Variants in GAS7 observed in about 807,000 individuals in gnomAD.
The protein encoded by GAS7 is growth arrest specific 7.
A neutral mutation model predicts 71.1 loss-of-function variants in GAS7; 28 were observed. The ratio of observed to expected loss-of-function variants is 0.39; its 90% CI spans 0.29 to 0.54. GAS7 has a LOEUF of 0.54. GAS7 is among the 20% of genes least tolerant of loss of function. GAS7 has a pLI of 0.62. For missense variants in GAS7, 436 were observed against 627.8 expected (o/e 0.69, Z 3.27); for synonymous variants, 258 against 245.8 (o/e 1.05, Z -0.46).
chr17:10,175,648 G>A lies in GAS7; in HGVS notation c.183+22560C>T, dbSNP rs539243773. Among the ~76,000 whole-genome samples, 169 of 152,182 alleles carry A rather than the reference G, an allele frequency of 1.1e-3. 2 individuals carry two copies. Among genetic ancestry groups the A allele is most frequent in the African/African-American group, 3.1e-3 (129 of 41,504 alleles). On this transcript the variant is annotated intron_variant, in intron 1 of 13. Coordinates refer to ENST00000432992, the MANE Select transcript of GAS7 (RefSeq NM_201433.2). ...ATTTTCCTTGACCTACAACAGTGTG[G>A]TCAAAAATTCTTTTTCTTTTTATTT...
At chr17:10,024,814 T>C (rs542857487) in intron 1 of GAS7, among the ~76,000 whole-genome samples, 11 of 152,256 alleles carry the variant, frequency 7.2e-5, no homozygotes, top group African/African-American at 1.4e-4. Flanking sequence ...ACACGCTATT[T>C]CATAAGTAAT....
intron 2 of GAS7, among the ~76,000 whole-genome samples, chr17:10,018,751 A>C (rs750998324): frequency 4.6e-5 from 7 of 152,134 alleles, no homozygotes; most frequent in Non-Finnish European, 1.0e-4. Context: ...GCAGGCTTAT[A>C]AACATCAGCT....
chr17:10,054,091 G>A (rs34083612), intron 1 of GAS7, among the ~76,000 whole-genome samples: 1,866 of 152,064 alleles, frequency 0.012, 19 homozygotes, highest in Non-Finnish European at 0.017. Flanking sequence ...GTTCTAAATC[G>A]ACCTCTGGAC....
intron 1 of GAS7, among the ~76,000 whole-genome samples, chr17:10,043,249 G>A (rs1395250828): frequency 1.3e-5 from 2 of 152,074 alleles, no homozygotes; most frequent in African/African-American, 4.8e-5. Flanking sequence ...ACTTTCAAAG[G>A]CAAGAACCAG....
intron 1 of GAS7, among the ~76,000 whole-genome samples, chr17:10,054,959 A>G (rs752522618): frequency 2.2e-4 from 34 of 152,218 alleles, no homozygotes; most frequent in Non-Finnish European, 4.9e-4. Flanking sequence ...GGAGCAGCCC[A>G]TCAGCTGAGA....
In GAS7 at chr17:10,019,770, G is replaced by T; in HGVS notation, c.304+7C>A. 1 of 1,612,414 alleles carries T rather than the reference G, an allele frequency of 6.2e-7. No homozygotes were observed. Among genetic ancestry groups the T allele is most frequent in the South Asian group, 1.1e-5 (1 of 90,964 alleles). On this transcript the variant is annotated splice_region_variant and intron_variant, in intron 2 of 13. Coordinates refer to ENST00000432992, the MANE Select transcript of GAS7 (RefSeq NM_201433.2). ...TGGTGCAGGATTCTCCCCCGAGCGG[G>T]ACTCACCATTGGTGGTCGTGTTGAC...
intron 6 of GAS7, among the ~76,000 whole-genome samples, chr17:9,945,981 G>C (rs1813932078): frequency 6.6e-6 from 1 of 152,024 alleles, no homozygotes; most frequent in African/African-American, 2.4e-5. Context: ...GTGAGACTCT[G>C]TCTCAAAAAA....
chr17:10,015,454 C>T (rs995810797), intron 2 of GAS7, among the ~76,000 whole-genome samples: 2 of 152,152 alleles, frequency 1.3e-5, no homozygotes, highest in African/African-American at 4.8e-5. Flanking sequence ...AGCAAAGATG[C>T]TTAAGCAAGG....
Position 9,911,591 on chromosome 17 carries a change from C to A in GAS7, c.*5637G>T. 1 of 233,140 alleles carries A rather than the reference C, an allele frequency of 4.3e-6. No homozygotes were observed. Among genetic ancestry groups the A allele is most frequent in the Non-Finnish European group, 8.5e-6 (1 of 117,970 alleles). 14.4% of individuals were successfully genotyped at this position (233,140 alleles called of 1,614,324 possible). A position where few individuals can be genotyped will look rare whatever the true frequency, so the allele number is the denominator to read the frequency against. On this transcript the variant is annotated 3_prime_UTR_variant, in exon 14 of 14. Transcript: ENST00000432992. This position sits in a 1 kb window ranked among gnomAD's most constrained non-coding sequence, Gnocchi z 4.0. ...ATTGGTTTTTGCCCTCTGTCTGATT[C>A]TCGCTCTAACCTGCTGCAATGGGAA... is the stretch of plus-strand genomic sequence containing the variant.
At chr17:9,985,995 T>A (rs940518506) in intron 2 of GAS7, among the ~76,000 whole-genome samples, 2 of 152,180 alleles carry the variant, frequency 1.3e-5, no homozygotes, top group African/African-American at 4.8e-5. Flanking sequence ...TCCATCCAGC[T>A]TTTTTCTAGG....
rs189408629 is a variant in GAS7 at position 10,137,985 on chromosome 17, G to C, written c.183+60223C>G. 4.4e-3 allele frequency among the ~76,000 whole-genome samples: 661 copies of C among 149,962 alleles called. 3 individuals carry two copies. Among genetic ancestry groups the C allele is most frequent in the South Asian group, 0.011 (53 of 4,724 alleles). ...GGTTTTTTTTTTCTTTTTTTGAGAC[G>C]GAGTCTTGCTTCTGTTGCCCAGGCT... On this transcript the variant is annotated intron_variant, in intron 1 of 13. Transcript: ENST00000432992.
chr17:10,146,309 C>T (rs1448479291), intron 1 of GAS7, among the ~76,000 whole-genome samples: 3 of 152,170 alleles, frequency 2.0e-5, no homozygotes, highest in African/African-American at 2.4e-5. Context: ...ACCTTCTTCC[C>T]GGGGCAACCC....
chr17:10,139,156 G>C (rs561868561), intron 1 of GAS7, among the ~76,000 whole-genome samples: 1 of 152,286 alleles, frequency 6.6e-6, no homozygotes, highest in South Asian at 2.1e-4. Flanking sequence ...GAGTTATGAG[G>C]AAACTCCAGA....
At position 9,913,833 on chromosome 17, in the gene GAS7, A is replaced by ATT; in HGVS notation, c.*3393_*3394dup. The ATT allele has an allele frequency of 4.4e-6, 1 of 225,324 alleles. No individual in the cohort carries two copies. The highest frequency in any genetic ancestry group is 2.2e-5 in the African/African-American group (1 of 44,596). The allele number at this position is 225,324 out of a possible 1,614,324, so 14.0% of individuals were successfully genotyped here. A position where few individuals can be genotyped will look rare whatever the true frequency, so the allele number is the denominator to read the frequency against. ...CTTGGAACACCATTTGGCTTAAGGA[A>ATT]TTTTTTTTTTCTTTTTAAATCAGGC... On this transcript the variant is annotated 3_prime_UTR_variant, in exon 14 of 14. Coordinates refer to ENST00000432992, the MANE Select transcript of GAS7 (RefSeq NM_201433.2).
At position 9,916,668 on chromosome 17, in the gene GAS7, T is replaced by G. The variant is rs2067591639; in HGVS notation, c.*560A>C. ...CAAGCCTTCCTCCTAAAACCCCTGG[T>G]GATGAACAGTGGCTGAGAAAGCCAG... On this transcript the variant is annotated 3_prime_UTR_variant, in exon 14 of 14. Coordinates refer to ENST00000432992, the MANE Select transcript of GAS7 (RefSeq NM_201433.2). 1 of 330,706 alleles carries G rather than the reference T, an allele frequency of 3.0e-6. No homozygotes were observed. The highest frequency in any genetic ancestry group is 5.5e-6 in the Non-Finnish European group (1 of 183,200). 20.5% of individuals were successfully genotyped at this position (330,706 alleles called of 1,614,324 possible).
At chr17:9,922,281 G>T (rs116494579) in intron 11 of GAS7, among the ~76,000 whole-genome samples, 1,693 of 152,274 alleles carry the variant, frequency 0.011, 36 homozygotes, top group African/African-American at 0.038. Flanking sequence ...AGATGAGGAA[G>T]AGGGAGGAAA....
chr17:10,097,875 C>G (rs1161121554), intron 1 of GAS7, among the ~76,000 whole-genome samples: 3 of 152,078 alleles, frequency 2.0e-5, no homozygotes, highest in Non-Finnish European at 2.9e-5. Flanking sequence ...GAAACCCCGT[C>G]TCTACTAAAA....
chr17:10,153,075 G>A (rs978434524), intron 1 of GAS7, among the ~76,000 whole-genome samples: 3 of 151,250 alleles, frequency 2.0e-5, no homozygotes, highest in Non-Finnish European at 4.4e-5. Context: ...TGGGCATAGT[G>A]GCGGGCACCT....
At chr17:9,947,176 T>G (rs1240908373) in intron 5 of GAS7, among the ~76,000 whole-genome samples, 193 bp from the exon 6 acceptor site, 1 of 152,132 alleles carries the variant, frequency 6.6e-6, no homozygotes, top group Non-Finnish European at 1.5e-5. Flanking sequence ...AAATGGGCTG[T>G]GAACCAGTAC....
Sources: allele counts gnomAD v4.1 joint callset (sites outside exome capture counted in the v4.1 genomes callset), GRCh38; gene constraint gnomAD v4.1.1; non-coding constraint Gnocchi (gnomAD v3.1); transcripts MANE v1.5; gene names NCBI Gene and HGNC (gene_info 2026-07-23, HGNC 2026-07-21).